Variants in UBR7 observed in about 807,000 individuals in gnomAD.
UBR7 encodes ubiquitin protein ligase E3 component n-recognin 7.
A neutral mutation model predicts 57.0 loss-of-function variants in UBR7; 22 were observed. The observed-to-expected ratio is 0.39, with a 90% confidence interval of 0.28 to 0.55. The LOEUF (loss-of-function observed/expected upper bound fraction) is 0.55, where lower values mean the gene tolerates loss of function less well. Ranked by LOEUF, UBR7 falls within the 20% of genes least tolerant of loss-of-function variation. UBR7 has a pLI of 0.69. For synonymous variants in UBR7, 167 were observed against 179.8 expected (o/e 0.93, Z 0.57); for missense variants, 395 against 513.2 (o/e 0.77, Z 2.23).
At chr14:93,210,977 C>G (rs1202742489) in intron 3 of UBR7, among the ~76,000 whole-genome samples, 3 of 152,172 alleles carry the variant, frequency 2.0e-5, no homozygotes, top group Non-Finnish European at 4.4e-5. Flanking sequence ...TACTTATTCT[C>G]TGAGGCTTTT....
intron 9 of UBR7, among the ~76,000 whole-genome samples, chr14:93,221,436 G>A (rs2140105717): frequency 6.7e-6 from 1 of 150,082 alleles, no homozygotes; most frequent in South Asian, 2.1e-4. Context: ...TGTATTTTTA[G>A]TAGAGTCAGG....
intron 10 of UBR7, chr14:93,223,656 C>T: frequency 7.2e-7 from 1 of 1,385,698 alleles, no homozygotes; most frequent in Non-Finnish European, 1.0e-6. Flanking sequence ...ACGGGCAGGA[C>T]CCGGTGGGGC....
intron 10 of UBR7, among the ~76,000 whole-genome samples, 195 bp from the exon 11 acceptor site, chr14:93,226,748 G>A (rs1011151957): frequency 1.1e-4 from 16 of 148,204 alleles, no homozygotes; most frequent in South Asian, 4.3e-4. Context: ...AGCCGAGATC[G>A]TGCCACTGCA....
At position 93,218,504 on chromosome 14, in the gene UBR7, TTTC is replaced by T; in HGVS notation, c.602-20_602-18del. On this transcript the variant is annotated intron_variant, in intron 6 of 10. Transcript: ENST00000013070. ...GTCAGTGGATATGTGTGTATGTGTT[TTTC>T]TTTTTCTTTGAACTCACAGTAACCA... 1 of 1,609,372 alleles carries T rather than the reference TTTC, an allele frequency of 6.2e-7. No homozygotes were observed. Among genetic ancestry groups the T allele is most frequent in the South Asian group, 1.1e-5 (1 of 90,968 alleles).
Position 93,218,552 on chromosome 14 carries a change from T to C in UBR7, c.627T>C (p.Asp209=). 6.2e-7 allele frequency: 1 copy of C among 1,614,140 alleles called. No homozygotes were observed. The highest frequency in any genetic ancestry group is 8.5e-7 in the Non-Finnish European group (1 of 1,180,042). The change falls in exon 7 of 11, where the codon GAT becomes GAC. Residue 209 remains aspartate, a synonymous_variant. Transcript: ENST00000013070. ...LAVTKISTED[D]GLVRNIDGIG... is the part of the protein sequence containing the mutation. ...TAACCAAAATATCCACTGAGGATGA[T>C]GGATTGGTGCGGAACATTGATGGAA...
rs762784101 is a variant in UBR7, at chr14:93,220,392, G to A, written c.1104G>A (p.Gln368=). The A allele has an allele frequency of 6.2e-6, 10 of 1,613,892 alleles. No homozygotes were observed. Among genetic ancestry groups the A allele is most frequent in the South Asian group, 2.2e-5 (2 of 91,086 alleles). ...MDTLSSMNRV[Q]QVELICEYND... ...CCCTTAGCAGCATGAATAGAGTCCAGCAAGTGGAACTCATTTGTGGTAAAT... is the reference window on the plus strand; with the variant it reads ...CCCTTAGCAGCATGAATAGAGTCCAACAAGTGGAACTCATTTGTGGTAAAT... Residue 368 remains glutamine (Q), a synonymous_variant, in exon 9 of 11, where the codon CAG becomes CAA. Transcript: ENST00000013070.
At chr14:93,226,228 ACTTTCT>A (rs1894845758) in intron 10 of UBR7, among the ~76,000 whole-genome samples, 1 of 152,144 alleles carries the variant, frequency 6.6e-6, no homozygotes, top group South Asian at 2.1e-4. Flanking sequence ...CCTCTTTCTT[ACTTTCT>A]CTTTATCTCT....
rs1566826442 is a variant in UBR7 at position 93,228,091 on chromosome 14, G to A, written c.*1056G>A. On this transcript the variant is annotated 3_prime_UTR_variant, in exon 11 of 11. Transcript: ENST00000013070. ...AGCCCTGTTTTGGAAGAGACAGACT[G>A]TGGAAGAGATTACAAACAAGGCCCG... 3 of 684,458 alleles carry A rather than the reference G, an allele frequency of 4.4e-6. No individual in the cohort carries two copies. The highest frequency in any genetic ancestry group is 8.0e-6 in the Non-Finnish European group (3 of 375,100). 42.4% of individuals were successfully genotyped at this position (684,458 alleles called of 1,614,324 possible).
At chr14:93,211,307 G>T (rs1894476851) in intron 3 of UBR7, among the ~76,000 whole-genome samples, 1 of 151,786 alleles carries the variant, frequency 6.6e-6, no homozygotes, top group South Asian at 2.1e-4. Context: ...AGCACTTTGG[G>T]AGGCCGAGGC....
At position 93,227,520 on chromosome 14, in the gene UBR7, T is replaced by C; in HGVS notation, c.*485T>C. 1 of 698,172 alleles carries C rather than the reference T, an allele frequency of 1.4e-6. No homozygotes were observed. The highest frequency in any genetic ancestry group is 2.6e-6 in the Non-Finnish European group (1 of 383,692). The allele number at this position is 698,172 out of a possible 1,614,324, so 43.2% of individuals were successfully genotyped here. A position where few individuals can be genotyped will look rare whatever the true frequency, so the allele number is the denominator to read the frequency against. On this transcript the variant is annotated 3_prime_UTR_variant, in exon 11 of 11. Transcript: ENST00000013070. ...TGGGTCAAAGCTTCCTCAAGCCTGG[T>C]CTGCTCCTTCTTTCACGTCCCTGTT...
Position 93,227,258 on chromosome 14 carries a change from T to A in UBR7, c.*223T>A, listed in dbSNP as rs10144530. The A allele has an allele frequency of 2.4e-5, 15 of 619,638 alleles. No homozygotes were observed. Among genetic ancestry groups the A allele is most frequent in the South Asian group, 9.1e-5 (6 of 65,990 alleles). The allele number at this position is 619,638 out of a possible 1,614,324, so 38.4% of individuals were successfully genotyped here. The stretch of plus-strand genomic sequence containing the variant: ...TGATGCAGCTCATTCCACAGACTTC[T>A]CCAGTGTACTCCTACTCCAGTGCAC... On this transcript the variant is annotated 3_prime_UTR_variant, in exon 11 of 11. Transcript: ENST00000013070.
Position 93,209,811 on chromosome 14 carries a change from T to A in UBR7, c.151-13T>A. On this transcript the variant is annotated splice_polypyrimidine_tract_variant and intron_variant, in intron 1 of 10. Transcript: ENST00000013070. ...ACTACATTAATTCTCTTTTCCATTTTGGGGGCTTTCAGGGCTCAGTAAAGA... is the reference window on the plus strand; with the variant it reads ...ACTACATTAATTCTCTTTTCCATTTAGGGGGCTTTCAGGGCTCAGTAAAGA... 2.5e-6 allele frequency: 4 copies of A among 1,613,382 alleles called. No homozygotes were observed. The highest frequency in any genetic ancestry group is 3.4e-6 in the Non-Finnish European group (4 of 1,179,564).
At chr14:93,224,628 T>C (rs762073996) in intron 10 of UBR7, among the ~76,000 whole-genome samples, 46 of 152,270 alleles carry the variant, frequency 3.0e-4, no homozygotes, top group Middle Eastern at 3.4e-3. Context: ...CCGCCCACCT[T>C]GGCCTCCCAA....
chr14:93,223,547 G>T (rs1894758265), intron 10 of UBR7: 12 of 677,428 alleles, frequency 1.8e-5, no homozygotes, highest in South Asian at 1.3e-4. Flanking sequence ...TTTTTGGGGT[G>T]GGGGGCGTTC....
At chr14:93,210,735 C>T in intron 3 of UBR7, 27 bp downstream of exon 3, 1 of 1,572,796 alleles carries the variant, frequency 6.4e-7, no homozygotes, top group Non-Finnish European at 8.7e-7. Flanking sequence ...ACTATAAATG[C>T]ATTTAGAGCA....
chr14:93,207,857 C>T (rs914829888), intron 1 of UBR7, among the ~76,000 whole-genome samples: 1 of 152,176 alleles, frequency 6.6e-6, no homozygotes, highest in Non-Finnish European at 1.5e-5. Context: ...ATGGGAGAGT[C>T]AGGTTAAAGA....
intron 4 of UBR7, 27 bp from the exon 5 acceptor site, chr14:93,214,902 C>T (rs374089487): frequency 2.5e-6 from 4 of 1,605,472 alleles, no homozygotes; most frequent in Non-Finnish European, 3.4e-6. Context: ...TCAATGTAAT[C>T]CTTAACAAAC....
chr14:93,223,663 G>T (rs371313985), intron 10 of UBR7: 1 of 1,381,816 alleles, frequency 7.2e-7, no homozygotes, highest in Non-Finnish European at 1.0e-6. Context: ...GGACCCGGTG[G>T]GGCAGCGGGA....
intron 3 of UBR7, among the ~76,000 whole-genome samples, chr14:93,211,157 T>C (rs1237277295): frequency 6.6e-6 from 1 of 151,840 alleles, no homozygotes; most frequent in Admixed American, 6.6e-5. Flanking sequence ...GGAGAATTGC[T>C]TGAACCCAGG....
Sources: allele counts gnomAD v4.1 joint callset (sites outside exome capture counted in the v4.1 genomes callset), GRCh38; gene constraint gnomAD v4.1.1; transcripts MANE v1.5; gene names NCBI Gene and HGNC (gene_info 2026-07-23, HGNC 2026-07-21).